KCTD8: variants seen among roughly 807,000 people sequenced by gnomAD.
KCTD8 encodes potassium channel tetramerization domain containing 8, also known as BTB/POZ domain-containing protein KCTD8.
Under a neutral mutation model 31.5 loss-of-function variants are expected in KCTD8, and 27 were observed. That is an observed-to-expected ratio of 0.86 (90% CI 0.63 to 1.18). The LOEUF (loss-of-function observed/expected upper bound fraction) is 1.18. KCTD8 is among the 50% of genes most tolerant of loss of function. The pLI is 0.00. For missense variants in KCTD8, 658 were observed against 647.7 expected, an observed-to-expected ratio of 1.02 and a Z score of -0.17; for synonymous variants, 290 against 280.0, an observed-to-expected ratio of 1.04 and a Z score of -0.36.
intron 1 of KCTD8, among the ~76,000 whole-genome samples, chr4:44,343,607 A>G (rs1020319461): frequency 2.6e-5 from 4 of 152,214 alleles, no homozygotes; most frequent in African/African-American, 9.7e-5. Context: ...TGCAATATCT[A>G]TAAAGTACAA....
At chr4:44,202,541 T>G (rs530169419) in intron 1 of KCTD8, among the ~76,000 whole-genome samples, 4 of 152,024 alleles carry the variant, frequency 2.6e-5, no homozygotes, top group Non-Finnish European at 5.9e-5. Flanking sequence ...AAAACCAAAT[T>G]CCACATATTC....
chr4:44,226,475 A>G (rs1231553865), intron 1 of KCTD8, among the ~76,000 whole-genome samples: 3 of 152,088 alleles, frequency 2.0e-5, no homozygotes, highest in African/African-American at 7.2e-5. Context: ...AAGTCTTGCT[A>G]TTGTAAATAG....
At chr4:44,188,332 C>A (rs1713653268) in intron 1 of KCTD8, among the ~76,000 whole-genome samples, 1 of 152,138 alleles carries the variant, frequency 6.6e-6, no homozygotes, top group Non-Finnish European at 1.5e-5. Context: ...AATTTCATTT[C>A]ATAGTACAAT....
At chr4:44,204,452 T>C (rs1213941866) in intron 1 of KCTD8, among the ~76,000 whole-genome samples, 2 of 152,138 alleles carry the variant, frequency 1.3e-5, no homozygotes, top group Non-Finnish European at 2.9e-5. Context: ...AAAATCCCTG[T>C]CCTGTTCTGT....
At chr4:44,396,156 CA>C (rs1384805058) in intron 1 of KCTD8, among the ~76,000 whole-genome samples, 1 of 152,034 alleles carries the variant, frequency 6.6e-6, no homozygotes, top group Non-Finnish European at 1.5e-5. Flanking sequence ...AAGGAGCATG[CA>C]ACCTAGATCC....
rs139931214 is a variant in KCTD8, at chr4:44,331,151, A to G, written c.961+116412T>C. ...AAGGAAGTTCATTAAAAAATAAAAT[A>G]TGAAAAAATACATTTTTGAAGCTGT... is the stretch of plus-strand genomic sequence containing the variant. On this transcript the variant is annotated intron_variant, in intron 1 of 1. Transcript: ENST00000360029. Among the ~76,000 whole-genome samples, 4 of 152,058 alleles carry G rather than the reference A, an allele frequency of 2.6e-5. No individual in the cohort carries two copies. In the East Asian group the frequency reaches 7.7e-4, roughly 29 times the overall value.
intron 1 of KCTD8, among the ~76,000 whole-genome samples, chr4:44,319,272 T>C (rs761121416): frequency 9.2e-5 from 14 of 152,162 alleles, no homozygotes; most frequent in Non-Finnish European, 1.0e-4. Context: ...ATTTCTATAA[T>C]AGGTTTACAC....
chr4:44,337,705 A>C (rs1014779226), intron 1 of KCTD8, among the ~76,000 whole-genome samples: 12 of 150,584 alleles, frequency 8.0e-5, no homozygotes, highest in African/African-American at 2.9e-4. Context: ...ATATGTGTAT[A>C]TATATTTAGT....
At chr4:44,352,802 CTCTCTATCT>C (rs1719236641) in intron 1 of KCTD8, among the ~76,000 whole-genome samples, 1 of 151,728 alleles carries the variant, frequency 6.6e-6, no homozygotes, top group Non-Finnish European at 1.5e-5. Flanking sequence ...TATGTAACAC[CTCTCTATCT>C]TCTTCCACTC....
chr4:44,270,849 G>C (rs1716574909), intron 1 of KCTD8, among the ~76,000 whole-genome samples: 1 of 152,142 alleles, frequency 6.6e-6, no homozygotes, highest in African/African-American at 2.4e-5. Context: ...CATTTAAATA[G>C]GGAGAAGAGG....
intron 1 of KCTD8, among the ~76,000 whole-genome samples, chr4:44,386,930 G>A (rs1335913590): frequency 6.6e-6 from 1 of 151,734 alleles, no homozygotes; most frequent in Non-Finnish European, 1.5e-5. Context: ...AACAGAGGAA[G>A]TCAAATTATC....
intron 1 of KCTD8, among the ~76,000 whole-genome samples, chr4:44,408,834 G>A (rs770271900): frequency 2.8e-4 from 42 of 152,134 alleles, no homozygotes; most frequent in South Asian, 1.5e-3. Flanking sequence ...GGCCAAGATG[G>A]TCTTGATATC....
chr4:44,393,877 G>T (rs1226200031), intron 1 of KCTD8, among the ~76,000 whole-genome samples: 3 of 151,376 alleles, frequency 2.0e-5, no homozygotes. Context: ...TGCACTATAT[G>T]ATTAAAAAAT....
chr4:44,293,096 G>C (rs1470655582), intron 1 of KCTD8, among the ~76,000 whole-genome samples: 2 of 151,946 alleles, frequency 1.3e-5, no homozygotes, highest in Non-Finnish European at 2.9e-5. Flanking sequence ...TAAATATTAG[G>C]CTACTTAAAC....
At chr4:44,302,878 T>G (rs1268616202) in intron 1 of KCTD8, among the ~76,000 whole-genome samples, 1 of 152,132 alleles carries the variant, frequency 6.6e-6, no homozygotes, top group African/African-American at 2.4e-5. Context: ...CTCTTATTAT[T>G]TTGAGATACG....
intron 1 of KCTD8, among the ~76,000 whole-genome samples, chr4:44,186,696 C>A (rs1356862275): frequency 1.3e-5 from 2 of 152,206 alleles, no homozygotes; most frequent in Non-Finnish European, 2.9e-5. Context: ...AAGTGAGTCA[C>A]CCCCGCATCA....
chr4:44,440,967 T>G (rs1438517671), intron 1 of KCTD8, among the ~76,000 whole-genome samples: 1 of 152,166 alleles, frequency 6.6e-6, no homozygotes, highest in Non-Finnish European at 1.5e-5. Context: ...CACAGAATAC[T>G]TCATATATTT....
chr4:44,399,014 A>T (rs911225385), intron 1 of KCTD8, among the ~76,000 whole-genome samples: 6 of 152,194 alleles, frequency 3.9e-5, no homozygotes, highest in Admixed American at 2.6e-4. Context: ...TAAAACCTTC[A>T]AGAATGCCTT....
intron 1 of KCTD8, among the ~76,000 whole-genome samples, chr4:44,341,294 T>G (rs1167710566): frequency 1.3e-5 from 2 of 152,192 alleles, no homozygotes; most frequent in African/African-American, 4.8e-5. Context: ...TGTTGATGGG[T>G]GCAGACTGAG....
Sources: allele counts gnomAD v4.1 joint callset (sites outside exome capture counted in the v4.1 genomes callset), GRCh38; gene constraint gnomAD v4.1.1; transcripts MANE v1.5; gene names NCBI Gene and HGNC (gene_info 2026-07-23, HGNC 2026-07-21).